CPA6: variants seen among roughly 807,000 people sequenced by gnomAD.
CPA6 encodes carboxypeptidase B.
CPA6 carries 58 observed loss-of-function variants against 63.3 expected under a neutral mutation model. The ratio of observed to expected loss-of-function variants is 0.92; its 90% CI spans 0.74 to 1.14. The LOEUF (loss-of-function observed/expected upper bound fraction) is 1.14, where lower values mean the gene tolerates loss of function less well. Among genes scored for constraint, CPA6 ranks in the 50% most tolerant of loss-of-function variants. CPA6 has a pLI of 0.00. For synonymous variants in CPA6, 185 were observed against 179.0 expected (o/e 1.03, Z -0.27); for missense variants, 565 against 526.6 (o/e 1.07, Z -0.71).
intron 3 of CPA6, among the ~76,000 whole-genome samples, chr8:67,517,074 G>A (rs1812160552): frequency 6.6e-6 from 1 of 151,858 alleles, no homozygotes; most frequent in Non-Finnish European, 1.5e-5. Context: ...GGGATTCCAG[G>A]CGTGAGCCAC....
chr8:67,642,180 T>G (rs1179011851), intron 1 of CPA6, among the ~76,000 whole-genome samples: 1 of 151,930 alleles, frequency 6.6e-6, no homozygotes. Context: ...TAGCTGGGTA[T>G]GGTGGCGGGC....
intron 3 of CPA6, among the ~76,000 whole-genome samples, chr8:67,512,978 T>C (rs1017001316): frequency 1.3e-5 from 2 of 152,244 alleles, no homozygotes; most frequent in African/African-American, 4.8e-5. Context: ...TACTCATTTG[T>C]TATTTATTGA....
At chr8:67,610,362 G>A (rs1462836418) in intron 2 of CPA6, among the ~76,000 whole-genome samples, 1 of 151,620 alleles carries the variant, frequency 6.6e-6, no homozygotes, top group East Asian at 1.9e-4. Context: ...GACAGGCCGA[G>A]ACTCTTTTTC....
At chr8:67,688,271 G>A (rs1816746167) in intron 1 of CPA6, among the ~76,000 whole-genome samples, 2 of 152,172 alleles carry the variant, frequency 1.3e-5, no homozygotes, top group East Asian at 1.9e-4. Context: ...TTTAAATAGA[G>A]TCTAGAGAAG....
At chr8:67,651,567 C>T (rs1815838359) in intron 1 of CPA6, among the ~76,000 whole-genome samples, 1 of 151,998 alleles carries the variant, frequency 6.6e-6, no homozygotes, top group African/African-American at 2.4e-5. Flanking sequence ...GTATTAGCCT[C>T]ATGAATCATG....
At chr8:67,476,457 G>C (rs1421604128) in intron 8 of CPA6, among the ~76,000 whole-genome samples, 1 of 151,986 alleles carries the variant, frequency 6.6e-6, no homozygotes, top group African/African-American at 2.4e-5. Flanking sequence ...CTATTAGCAT[G>C]GTATGTGGTG....
chr8:67,729,136 G>T (rs76894313), intron 1 of CPA6, among the ~76,000 whole-genome samples: 2 of 152,300 alleles, frequency 1.3e-5, no homozygotes, highest in African/African-American at 4.8e-5. Context: ...AAGCCCATTA[G>T]AAATGCAGAG....
chr8:67,673,959 T>A (rs1330231374), intron 1 of CPA6, among the ~76,000 whole-genome samples: 1 of 149,632 alleles, frequency 6.7e-6, no homozygotes, highest in East Asian at 1.9e-4. Context: ...GGAGGCTGTT[T>A]GAGTTGATGA....
At chr8:67,441,367 T>C (rs1810291592) in intron 8 of CPA6, among the ~76,000 whole-genome samples, 1 of 152,216 alleles carries the variant, frequency 6.6e-6, no homozygotes, top group Non-Finnish European at 1.5e-5. Flanking sequence ...AACTATACCA[T>C]GTGCATGAAT....
intron 2 of CPA6, among the ~76,000 whole-genome samples, chr8:67,566,072 C>G (rs553680645): frequency 5.4e-4 from 82 of 152,320 alleles, no homozygotes; most frequent in South Asian, 1.9e-3. Flanking sequence ...AAGGCAAAAG[C>G]AAATCCTCAC....
chr8:67,641,016 G>A (rs1276731882), intron 1 of CPA6, among the ~76,000 whole-genome samples: 1 of 151,672 alleles, frequency 6.6e-6, no homozygotes, highest in African/African-American at 2.4e-5. Context: ...TCATGCAGTT[G>A]GCTGCCTCAG....
At chr8:67,668,752 T>C (rs953009311) in intron 1 of CPA6, among the ~76,000 whole-genome samples, 9 of 152,128 alleles carry the variant, frequency 5.9e-5, no homozygotes, top group Admixed American at 4.6e-4. Flanking sequence ...ATGTATTAGG[T>C]ATGCAAAAAT....
intron 6 of CPA6, among the ~76,000 whole-genome samples, chr8:67,496,535 A>ATATATATATATG (rs1811718055): frequency 7.3e-6 from 1 of 137,566 alleles, no homozygotes; most frequent in African/African-American, 2.8e-5. Flanking sequence ...ATATATATAT[A>ATATATATATATG]TATATATATA....
intron 8 of CPA6, among the ~76,000 whole-genome samples, chr8:67,445,639 T>C (rs190860541): frequency 4.3e-4 from 65 of 152,324 alleles, no homozygotes; most frequent in Middle Eastern, 6.8e-3. Flanking sequence ...GAAAGATAGA[T>C]GAAATCTAAC....
At chr8:67,733,846 C>CTTTTTTTT (rs10696053) in intron 1 of CPA6, among the ~76,000 whole-genome samples, 4 of 94,932 alleles carry the variant, frequency 4.2e-5, no homozygotes, top group Non-Finnish European at 3.9e-5. Flanking sequence ...GCTGCATCGT[C>CTTTTTTTT]TTTTTTTTTT....
At chr8:67,525,316 A>G (rs1812338929) in intron 2 of CPA6, among the ~76,000 whole-genome samples, 1 of 152,240 alleles carries the variant, frequency 6.6e-6, no homozygotes, top group Admixed American at 6.5e-5. Flanking sequence ...TTTGTCATTA[A>G]AGAAAAATGA....
chr8:67,490,274 T>C (rs1345175730), intron 6 of CPA6, among the ~76,000 whole-genome samples: 1 of 152,224 alleles, frequency 6.6e-6, no homozygotes, highest in Non-Finnish European at 1.5e-5. Flanking sequence ...AGGGGTGTGC[T>C]TTTCTTCTAA....
intron 1 of CPA6, among the ~76,000 whole-genome samples, chr8:67,636,480 A>G (rs1409469048): frequency 6.6e-6 from 1 of 151,602 alleles, no homozygotes; most frequent in East Asian, 1.9e-4. Flanking sequence ...CAATGGAATA[A>G]TTAAATTCAC....
chr8:67,503,538 G>T (rs568351091), intron 6 of CPA6, among the ~76,000 whole-genome samples: 1 of 150,580 alleles, frequency 6.6e-6, no homozygotes, highest in Non-Finnish European at 1.5e-5. Flanking sequence ...GAATTCCTGG[G>T]CTCAAGTGAT....
Sources: allele counts gnomAD v4.1 joint callset (sites outside exome capture counted in the v4.1 genomes callset), GRCh38; gene constraint gnomAD v4.1.1; transcripts MANE v1.5; gene names NCBI Gene and HGNC (gene_info 2026-07-23, HGNC 2026-07-21).